Variants in PLAA observed in about 807,000 individuals in gnomAD.
PLAA encodes the protein phospholipase A2 activating protein, also known as phospholipase A-2-activating protein.
PLAA carries 48 observed loss-of-function variants against 84.1 expected under a neutral mutation model. The observed-to-expected ratio is 0.57, with a 90% confidence interval of 0.45 to 0.73. PLAA has a LOEUF of 0.73. PLAA is among the 30% of genes least tolerant of loss of function. PLAA has a pLI of 0.00. For synonymous variants in PLAA, 392 were observed against 336.6 expected (o/e 1.16, Z -1.80); for missense variants, 903 against 954.7 (o/e 0.95, Z 0.71).
At chr9:26,943,041 G>A (rs2131430200) in intron 1 of PLAA, among the ~76,000 whole-genome samples, 1 of 152,210 alleles carries the variant, frequency 6.6e-6, no homozygotes, top group East Asian at 1.9e-4. Flanking sequence ...TATATCTGAA[G>A]ATGTGTCTTC....
chr9:26,929,615 T>C (rs1289778399), intron 2 of PLAA, among the ~76,000 whole-genome samples: 1 of 152,218 alleles, frequency 6.6e-6, no homozygotes, highest in East Asian at 1.9e-4. Flanking sequence ...CTCTCTACCC[T>C]GAGCTGAGGA....
chr9:26,946,920 G>A lies in PLAA; in HGVS notation c.126C>T (p.Thr42=), dbSNP rs763402899. ...GAFVSVSRDR[T]TRLWAPDSPN... ...ACCTGTCTGGGGCCCAGAGGCGGGT[G>A]GTGCGGTCTCGGGACACGGACACAA... Residue 42 remains threonine (T), a synonymous_variant, in exon 1 of 14, where the codon ACC becomes ACT. Coordinates refer to ENST00000397292, the MANE Select transcript of PLAA (RefSeq NM_001031689.3). 6.3e-7 allele frequency: 1 copy of A among 1,578,314 alleles called. No homozygotes were observed. Among genetic ancestry groups the A allele is most frequent in the Admixed American group, 1.8e-5 (1 of 55,472 alleles).
intron 1 of PLAA, 128 bp downstream of exon 1, chr9:26,946,769 G>C: frequency 9.3e-7 from 1 of 1,070,700 alleles, no homozygotes; most frequent in Non-Finnish European, 1.3e-6. Flanking sequence ...AGAATTGGAA[G>C]GGAGCGGAGA....
chr9:26,913,783 A>G, intron 11 of PLAA, 96 bp downstream of exon 11: 1 of 864,434 alleles, frequency 1.2e-6, no homozygotes, highest in Non-Finnish European at 1.8e-6. Flanking sequence ...AAAGTTCTCA[A>G]GCAAGAAAAT....
chr9:26,945,818 C>G (rs138599305), intron 1 of PLAA, among the ~76,000 whole-genome samples: 1,933 of 152,356 alleles, frequency 0.013, 39 homozygotes, highest in African/African-American at 0.045. Context: ...TGCTCTTCCA[C>G]GACCAGCTCC....
chr9:26,919,155 A>C, intron 9 of PLAA, 155 bp downstream of exon 9: 1 of 470,196 alleles, frequency 2.1e-6, no homozygotes, highest in East Asian at 3.0e-5. Context: ...GAATTACTTC[A>C]TCATTTGAGG....
rs1353019645 is a variant in PLAA at position 26,928,362 on chromosome 9, T to G, written c.390A>C (p.Ser130=). 1 of 1,613,872 alleles carries G rather than the reference T, an allele frequency of 6.2e-7. No individual in the cohort carries two copies. The highest frequency in any genetic ancestry group is 2.2e-5 in the East Asian group (1 of 44,892). ...SGKFGTLLSG[S]WDTTAKVWLN... ...GCCAGACTTTAGCAGTGGTGTCCCA[T>G]GAACCACTAAGTAATGTCCCAAATT... Residue 130 remains serine, a synonymous_variant, in exon 3 of 14, where the codon TCA becomes TCC. Coordinates refer to ENST00000397292, the MANE Select transcript of PLAA (RefSeq NM_001031689.3).
At position 26,917,202 on chromosome 9, in the gene PLAA, C is replaced by G. The variant is rs745470923; in HGVS notation, c.1418-37G>C. On this transcript the variant is annotated intron_variant, in intron 9 of 13. Transcript: ENST00000397292. ...AAATAAAGAAAAGGCAGAAGTGCACCAAAGTTCTGAATTTTTCAAACAGCA... is the reference window on the plus strand; with the variant it reads ...AAATAAAGAAAAGGCAGAAGTGCACGAAAGTTCTGAATTTTTCAAACAGCA... 4 of 1,566,204 alleles carry G rather than the reference C, an allele frequency of 2.6e-6. No individual in the cohort carries two copies. The African/African-American group carries it at 5.4e-5, about 21-fold the overall frequency.
chr9:26,923,104 A>G, intron 7 of PLAA, 74 bp downstream of exon 7: 3 of 1,097,476 alleles, frequency 2.7e-6, no homozygotes, highest in Non-Finnish European at 3.9e-6. Flanking sequence ...GCAAAACAAC[A>G]TTTATTTTTC....
chr9:26,939,039 G>A (rs1825441805), intron 1 of PLAA, among the ~76,000 whole-genome samples: 1 of 152,128 alleles, frequency 6.6e-6, no homozygotes, highest in African/African-American at 2.4e-5. Flanking sequence ...TAATCCTCAT[G>A]GTAAACACAC....
chr9:26,946,795 G>A (rs894211677), intron 1 of PLAA, 102 bp downstream of exon 1: 50 of 1,305,134 alleles, frequency 3.8e-5, no homozygotes, highest in Middle Eastern at 1.9e-4. Flanking sequence ...GGGAAGGCTG[G>A]GGGGAGAGAG....
rs143112702 is a variant in PLAA, at chr9:26,907,874, C to T, written c.1782G>A (p.Gln594=). 8.2e-5 allele frequency: 132 copies of T among 1,611,156 alleles called. No individual in the cohort carries two copies. The highest frequency in any genetic ancestry group is 1.1e-4 in the Non-Finnish European group (125 of 1,179,282). Residue 594 remains glutamine, a synonymous_variant, in exon 13 of 14, where the codon CAG becomes CAA. Coordinates refer to ENST00000397292, the MANE Select transcript of PLAA (RefSeq NM_001031689.3). The part of the protein sequence containing the change: ...CNSSSEKPTV[Q]QLQILWKAIN... ...TAGCTTTCCACAAAATCTGAAGTTG[C>T]TGGACTGTGGGTTTTTCTGAAGAAC...
At chr9:26,939,434 A>C (rs1189289768) in intron 1 of PLAA, among the ~76,000 whole-genome samples, 2 of 151,164 alleles carry the variant, frequency 1.3e-5, no homozygotes, top group African/African-American at 4.9e-5. Context: ...CATATAAATA[A>C]ATAAATCAAC....
chr9:26,915,839 T>C, intron 10 of PLAA: 1 of 985,424 alleles, frequency 1.0e-6, no homozygotes, highest in Non-Finnish European at 1.2e-6. Flanking sequence ...GATATGTTCT[T>C]TCTGTTCCAG....
intron 1 of PLAA, among the ~76,000 whole-genome samples, chr9:26,935,412 A>G (rs537282567): frequency 6.6e-6 from 1 of 152,324 alleles, no homozygotes. Context: ...AAGTTTGTTT[A>G]GTGTTTCTTT....
At chr9:26,915,531 TCAA>T (rs1367775405) in intron 10 of PLAA, 4 of 257,380 alleles carry the variant, frequency 1.6e-5, no homozygotes, top group Non-Finnish European at 2.4e-5. Flanking sequence ...AACATCATCA[TCAA>T]CAACAACTAA....
intron 11 of PLAA, among the ~76,000 whole-genome samples, chr9:26,912,911 A>G (rs1824441077): frequency 6.6e-6 from 1 of 152,140 alleles, no homozygotes; most frequent in African/African-American, 2.4e-5. Flanking sequence ...TTTTGCAATT[A>G]AAAAATAGCT....
rs558480029 is a variant in PLAA at position 26,928,352 on chromosome 9, T to C, written c.400A>G (p.Thr134Ala). 4.4e-5 allele frequency: 71 copies of C among 1,614,154 alleles called. 1 individual carries two copies. In the South Asian group the frequency reaches 5.7e-4, roughly 13 times the overall value. Residue 134 changes from threonine (T) to alanine (A), a missense_variant, in exon 3 of 14, where the codon ACT becomes GCT. Thr to Ala is a moderately conservative substitution (Grantham distance 58). Transcript: ENST00000397292. ...TTGTCATTCAGCCAGACTTTAGCAG[T>C]GGTGTCCCATGAACCACTAAGTAAT... ...GTLLSGSWDT[T>A]AKVWLNDKCM...
chr9:26,916,497 T>C, intron 10 of PLAA: 1 of 986,954 alleles, frequency 1.0e-6, no homozygotes, highest in Non-Finnish European at 1.2e-6. Context: ...AAGAAGGACA[T>C]TAATAACTTA....
Sources: allele counts gnomAD v4.1 joint callset (sites outside exome capture counted in the v4.1 genomes callset), GRCh38; gene constraint gnomAD v4.1.1; transcripts MANE v1.5; gene names NCBI Gene and HGNC (gene_info 2026-07-23, HGNC 2026-07-21).